The following CLCN1 variants were observed in gnomAD, a reference collection of about 807,000 sequenced individuals.
CLCN1 encodes the protein chloride voltage-gated channel 1.
In CLCN1, 100 loss-of-function variants were observed where a neutral mutation model predicts 114.5. That is an observed-to-expected ratio of 0.87 (90% CI 0.74 to 1.03). The LOEUF is 1.03. Ranked by LOEUF, CLCN1 falls within the 50% of genes least tolerant of loss-of-function variation. The pLI is 0.00. For missense variants in CLCN1, 1,188 were observed against 1,250.0 expected (o/e 0.95, Z 0.75); for synonymous variants, 485 against 487.1 (o/e 1.00, Z 0.06).
At chr7:143,320,939 G>C (rs777331032) in intron 3 of CLCN1, 144 bp downstream of exon 3, 2 of 1,029,594 alleles carry the variant, frequency 1.9e-6, no homozygotes, top group Non-Finnish European at 3.0e-6. Context: ...TGGGACTCCA[G>C]GCCCAGAAAA....
rs200385034 is a variant in CLCN1 at position 143,345,607 on chromosome 7, G to T, written c.2017G>T (p.Ala673Ser). The T allele has an allele frequency of 2.6e-6, 4 of 1,555,412 alleles. No homozygotes were observed. The highest frequency in any genetic ancestry group is 1.4e-5 in the African/African-American group (1 of 73,348). The part of the protein sequence containing the change: ...RHLCPERRLR[A>S]AQEMARKLSE... ...CCTGTGTCCTGAGCGCAGGCTGCGC[G>T]CAGCCCAAGAGATGGCGCGGAAGTT... is the stretch of plus-strand genomic sequence containing the variant. Residue 673 changes from alanine (A) to serine (S), a missense_variant, in exon 17 of 23, where the codon GCA becomes TCA. By Grantham distance (99) the Ala-to-Ser change is moderately conservative. Transcript: ENST00000343257.
chr7:143,331,522 G>C, intron 9 of CLCN1, 29 bp from the exon 10 acceptor site: 11 of 1,500,024 alleles, frequency 7.3e-6, no homozygotes, highest in Non-Finnish European at 1.0e-5. Context: ...ATGTCTGTAA[G>C]ATTCCAACTC....
intron 12 of CLCN1, among the ~76,000 whole-genome samples, chr7:143,336,246 G>A (rs1272762941): frequency 6.6e-6 from 1 of 151,518 alleles, no homozygotes; most frequent in African/African-American, 2.4e-5. Flanking sequence ...AAATATGGTG[G>A]AAACCCATAA....
In CLCN1 at chr7:143,343,564, CA is replaced by C. The variant is rs549786834; in HGVS notation, c.1930+1062del. 2.0e-3 allele frequency among the ~76,000 whole-genome samples: 305 copies of C among 152,342 alleles called. 4 individuals are homozygous for C. Among genetic ancestry groups the C allele is most frequent in the Non-Finnish European group, 7.1e-4 (48 of 68,036 alleles). On this transcript the variant is annotated intron_variant, in intron 16 of 22. Transcript: ENST00000343257. The stretch of plus-strand genomic sequence containing the variant: ...ATATTTTAGTGACTAGCTGAATTCA[CA>C]AATAGGGAATCCATGAATAATGACA...
chr7:143,332,663 T>C lies in CLCN1; in HGVS notation c.1252-61T>C, dbSNP rs569608167. ...TAATGAGGCTGGGGAATAAGTTCTC[T>C]AAAAAAGGAAGCACAGGAGTTCCCT... On this transcript the variant is annotated intron_variant, in intron 11 of 22. Transcript: ENST00000343257. The C allele has an allele frequency of 1.6e-4, 253 of 1,602,480 alleles. No individual in the cohort carries two copies. The African/African-American group carries it at 3.0e-3, about 19-fold the overall frequency.
intron 7 of CLCN1, among the ~76,000 whole-genome samples, chr7:143,329,052 G>A (rs867070101): frequency 4.7e-5 from 7 of 149,622 alleles, no homozygotes; most frequent in Admixed American, 1.3e-4. Context: ...ACTGCAACCT[G>A]CGTCTCCCGG....
rs377091219 is a variant in CLCN1 at position 143,340,093 on chromosome 7, G to A, written c.1582+472G>A. 6.6e-5 allele frequency among the ~76,000 whole-genome samples: 10 copies of A among 152,288 alleles called. 1 individual carries two copies. The South Asian group carries it at 8.3e-4, about 13-fold the overall frequency. On this transcript the variant is annotated intron_variant, in intron 14 of 22. Coordinates refer to ENST00000343257, the MANE Select transcript of CLCN1 (RefSeq NM_000083.3). ...CATGAAGCAAGATAGCTGCTTCTGAGCCCTAGTTTCTTTATTCTAAAATGA... is the reference window on the plus strand; with the variant it reads ...CATGAAGCAAGATAGCTGCTTCTGAACCCTAGTTTCTTTATTCTAAAATGA...
chr7:143,345,453 G>A, intron 16 of CLCN1, 68 bp from the exon 17 acceptor site: 1 of 1,468,692 alleles, frequency 6.8e-7, no homozygotes, highest in Non-Finnish European at 9.1e-7. Context: ...TCCTTCTCAG[G>A]AGTGCGGAGC....
intron 2 of CLCN1, 43 bp downstream of exon 2, chr7:143,319,918 G>A: frequency 6.2e-7 from 1 of 1,608,342 alleles, no homozygotes; most frequent in Non-Finnish European, 8.5e-7. Flanking sequence ...GTAGAAACAG[G>A]TACAGGGATT....
intron 15 of CLCN1, 32 bp from the exon 16 acceptor site, chr7:143,342,340 G>C (rs1421964619): frequency 6.2e-7 from 1 of 1,613,608 alleles, no homozygotes. Flanking sequence ...GTATACGGTG[G>C]GGCTAACCCA....
intron 1 of CLCN1, among the ~76,000 whole-genome samples, chr7:143,317,608 A>C (rs186539130): frequency 1.0e-3 from 156 of 149,764 alleles, no homozygotes; most frequent in Middle Eastern, 6.9e-3. Context: ...GGGAGCCTTC[A>C]GTTCCTTTAG....
chr7:143,325,028 G>A (rs1350195289), intron 7 of CLCN1, among the ~76,000 whole-genome samples: 1 of 152,214 alleles, frequency 6.6e-6, no homozygotes, highest in Non-Finnish European at 1.5e-5. Context: ...TCCCTTGATA[G>A]CAATTTAAAG....
At chr7:143,326,598 A>C (rs1464511030) in intron 7 of CLCN1, among the ~76,000 whole-genome samples, 1 of 152,202 alleles carries the variant, frequency 6.6e-6, no homozygotes, top group Non-Finnish European at 1.5e-5. Flanking sequence ...GAGCCCATGA[A>C]GCTTCACAAA....
intron 10 of CLCN1, 76 bp downstream of exon 10, chr7:143,331,728 G>T: frequency 9.3e-7 from 1 of 1,069,982 alleles, no homozygotes. Context: ...TTTGTCTTTG[G>T]GGAAGGCATT....
chr7:143,338,517 G>A (rs1368588624), intron 12 of CLCN1, among the ~76,000 whole-genome samples: 1 of 152,110 alleles, frequency 6.6e-6, no homozygotes, highest in Non-Finnish European at 1.5e-5. Flanking sequence ...CGGGCGCATC[G>A]GCTCACACCT....
In CLCN1 at chr7:143,348,841, C is replaced by T. The variant is rs142209841; in HGVS notation, c.2404-1531C>T. Among the ~76,000 whole-genome samples, 6 of 152,228 alleles carry T rather than the reference C, an allele frequency of 3.9e-5. No individual in the cohort carries two copies. In the East Asian group the frequency reaches 5.8e-4, roughly 15 times the overall value. On this transcript the variant is annotated intron_variant, in intron 20 of 22. Transcript: ENST00000343257. ...CAACAGCAACGTCCTGCATCCCTTGCGCAAAAGCTGGAGATGTACCTGGAA... is the reference window on the plus strand; with the variant it reads ...CAACAGCAACGTCCTGCATCCCTTGTGCAAAAGCTGGAGATGTACCTGGAA...
Position 143,332,223 on chromosome 7 carries a change from C to G in CLCN1, c.1167-196C>G, listed in dbSNP as rs145398452. Among the ~76,000 whole-genome samples, 846 of 152,316 alleles carry G rather than the reference C, an allele frequency of 5.6e-3. 14 individuals are homozygous for G. Among genetic ancestry groups the G allele is most frequent in the African/African-American group, 0.019 (804 of 41,568 alleles). On this transcript the variant is annotated intron_variant, in intron 10 of 22. Transcript: ENST00000343257. ...AGGTGATCTGCCCACCTTGGCCTCC[C>G]AAAGTGCCCCATGGGATTAGAGGCA...
rs887842264 is a variant in CLCN1 at position 143,321,142 on chromosome 7, C to T, written c.434-223C>T. Among the ~76,000 whole-genome samples the T allele has an allele frequency of 6.6e-6, 1 of 152,200 alleles. No individual in the cohort carries two copies. Among genetic ancestry groups the T allele is most frequent in the Non-Finnish European group, 1.5e-5 (1 of 68,030 alleles). On this transcript the variant is annotated intron_variant, in intron 3 of 22. Transcript: ENST00000343257. This position sits in a 1 kb window ranked among gnomAD's most constrained non-coding sequence, Gnocchi z 4.2. ...CGGGTGGTTGGTCACACCCAGGCCTCCAGACCCTGTACTCCAGTGGGATTC... is the reference window on the plus strand; with the variant it reads ...CGGGTGGTTGGTCACACCCAGGCCTTCAGACCCTGTACTCCAGTGGGATTC...
chr7:143,323,563 C>A, intron 6 of CLCN1, 177 bp downstream of exon 6: 1 of 705,972 alleles, frequency 1.4e-6, no homozygotes, highest in Non-Finnish European at 2.7e-6. Flanking sequence ...CACGTGATGC[C>A]TCTGTTTAGC....
Sources: gnomAD v4.1 joint callset for allele counts (sites outside exome capture counted in the v4.1 genomes callset) on GRCh38, gnomAD v4.1.1 for gene constraint, Gnocchi (gnomAD v3.1) non-coding constraint, MANE v1.5 for transcripts, NCBI Gene and HGNC (gene_info 2026-07-23, HGNC 2026-07-21) for gene names.